The following BAALC variants were observed in gnomAD, a reference collection of about 807,000 sequenced individuals.
The protein encoded by BAALC is BAALC binder of MAP3K1 and KLF4.
In BAALC, 9 loss-of-function variants were observed where a neutral mutation model predicts 15.5. The ratio of observed to expected loss-of-function variants is 0.58; its 90% CI spans 0.35 to 1.02. BAALC has a LOEUF of 1.02. Among genes scored for constraint, BAALC ranks in the 50% least tolerant of loss-of-function variants. The probability of loss-of-function intolerance (pLI) is 0.02; values close to 1 mark genes in which losing one functional copy is unlikely to be tolerated. For missense variants in BAALC, 201 were observed against 192.4 expected (o/e 1.04, Z -0.27); for synonymous variants, 80 against 74.6 (o/e 1.07, Z -0.37).
At chr8:103,183,722 C>T (rs1392548735) in intron 1 of BAALC, among the ~76,000 whole-genome samples, 2 of 152,130 alleles carry the variant, frequency 1.3e-5, no homozygotes, top group Non-Finnish European at 2.9e-5. Flanking sequence ...TGCTCATGAA[C>T]CTAGGCATAT....
intron 2 of BAALC, chr8:103,213,457 G>T (rs1404724443): frequency 6.0e-6 from 1 of 166,732 alleles, no homozygotes; most frequent in East Asian, 1.7e-4. Context: ...GAAGGAAAGA[G>T]AAGACCAGAG....
chr8:103,224,967 C>T (rs1427490159), intron 2 of BAALC, among the ~76,000 whole-genome samples: 1 of 152,154 alleles, frequency 6.6e-6, no homozygotes, highest in Non-Finnish European at 1.5e-5. Flanking sequence ...GCTTAGTCCT[C>T]ACTACTCTTA....
At chr8:103,160,325 G>A (rs1811195718) in intron 1 of BAALC, among the ~76,000 whole-genome samples, 1 of 152,146 alleles carries the variant, frequency 6.6e-6, no homozygotes, top group African/African-American at 2.4e-5. Flanking sequence ...CTTTGGGTAT[G>A]CCCTATGTAA....
At chr8:103,208,167 A>G (rs1431308119) in intron 1 of BAALC, 2 of 152,270 alleles carry the variant, frequency 1.3e-5, no homozygotes, top group African/African-American at 4.8e-5. Context: ...AGAGGCGGGG[A>G]TAGGCTGTGC....
chr8:103,194,050 CA>C (rs1459524933), intron 1 of BAALC, among the ~76,000 whole-genome samples: 1 of 152,160 alleles, frequency 6.6e-6, no homozygotes, highest in Non-Finnish European at 1.5e-5. Context: ...TATCAAAAAG[CA>C]AGTCGTTTTC....
At chr8:103,189,156 C>T (rs1417144142) in intron 1 of BAALC, among the ~76,000 whole-genome samples, 1 of 152,194 alleles carries the variant, frequency 6.6e-6, no homozygotes, top group Non-Finnish European at 1.5e-5. Context: ...TACAAATTCT[C>T]ATGAAGAAAA....
At chr8:103,144,814 C>T (rs1322500118) in intron 1 of BAALC, among the ~76,000 whole-genome samples, 4 of 152,170 alleles carry the variant, frequency 2.6e-5, no homozygotes, top group Non-Finnish European at 5.9e-5. Flanking sequence ...GAAAGATAGT[C>T]AAATAAAATG....
chr8:103,158,685 AATACATAC>A (rs76527054), intron 1 of BAALC, among the ~76,000 whole-genome samples: 63 of 150,784 alleles, frequency 4.2e-4, no homozygotes, highest in African/African-American at 9.7e-4. Context: ...CAATACATAC[AATACATAC>A]ATACATACAT....
chr8:103,209,731 G>C (rs773986320), intron 1 of BAALC, among the ~76,000 whole-genome samples: 1 of 152,210 alleles, frequency 6.6e-6, no homozygotes. Context: ...CACCCCATGA[G>C]TTTAAAAGCA....
Position 103,212,948 on chromosome 8 carries a change from G to A in BAALC, c.190G>A (p.Gly64Ser). 1 of 1,613,964 alleles carries A rather than the reference G, an allele frequency of 6.2e-7. No individual in the cohort carries two copies. Among genetic ancestry groups the A allele is most frequent in the Non-Finnish European group, 8.5e-7 (1 of 1,179,910 alleles). Residue 64 changes from glycine (G) to serine (S), a missense_variant, in exon 2 of 3, where the codon GGT becomes AGT. Transcript: ENST00000309982. ...GCTGGAAGATGGACTGCCCTCCAATGGTGTGCCCCGATCTACAGCCCCAGG... is the reference window on the plus strand; with the variant it reads ...GCTGGAAGATGGACTGCCCTCCAATAGTGTGCCCCGATCTACAGCCCCAGG... ...GMLEDGLPSN[G>S]VPRSTAPGGI...
intron 1 of BAALC, among the ~76,000 whole-genome samples, chr8:103,171,283 A>AAGAG (rs3041493): frequency 0.23 from 32,924 of 144,562 alleles, 4,428 homozygotes; most frequent in Non-Finnish European, 0.31. Context: ...AAAAGAAAGA[A>AAGAG]AGAGAGAAGG....
intron 1 of BAALC, among the ~76,000 whole-genome samples, chr8:103,148,308 G>A (rs1248021400): frequency 6.6e-6 from 1 of 152,196 alleles, no homozygotes; most frequent in Non-Finnish European, 1.5e-5. Context: ...AAAACCACTG[G>A]AAGCTCAGAG....
rs574398140 is a variant in BAALC, at chr8:103,191,115, C to T, written c.161-21804C>T. 2.7e-3 allele frequency: 407 copies of T among 152,694 alleles called. 1 individual carries two copies. Among genetic ancestry groups the T allele is most frequent in the Non-Finnish European group, 4.3e-3 (292 of 68,420 alleles). The allele number at this position is 152,694 out of a possible 1,614,324, so 9.5% of individuals were successfully genotyped here. The stretch of plus-strand genomic sequence containing the variant: ...CTGGGAGGCTGAGGCAGAAGAATCG[C>T]TTGAACCCGGGAGGCAGAGGTTGCA... On this transcript the variant is annotated intron_variant, in intron 1 of 2. Transcript: ENST00000309982.
intron 1 of BAALC, among the ~76,000 whole-genome samples, chr8:103,194,615 G>A (rs1812048694): frequency 6.6e-6 from 1 of 152,172 alleles, no homozygotes; most frequent in Non-Finnish European, 1.5e-5. Flanking sequence ...CATTCATGTT[G>A]TTATAACAAA....
At chr8:103,213,181 C>A (rs899173922) in intron 2 of BAALC, 96 bp downstream of exon 2, 2 of 1,312,790 alleles carry the variant, frequency 1.5e-6, no homozygotes, top group Non-Finnish European at 2.1e-6. Flanking sequence ...CAGGGAGGGA[C>A]CAGGGATGGC....
Position 103,211,686 on chromosome 8 carries a change from C to A in BAALC, c.161-1233C>A, listed in dbSNP as rs141354136. Reference sequence around the variant, plus strand: ...TGTCATCTGCATCTATTTGAGAGAGCCACTTGGAGAGCAGGGATGGGAACT... The same window carrying A: ...TGTCATCTGCATCTATTTGAGAGAGACACTTGGAGAGCAGGGATGGGAACT... On this transcript the variant is annotated intron_variant, in intron 1 of 2. Coordinates refer to ENST00000309982, the MANE Select transcript of BAALC (RefSeq NM_024812.3). 3.6e-4 allele frequency among the ~76,000 whole-genome samples: 55 copies of A among 152,260 alleles called. 1 individual carries two copies. The East Asian group carries it at 0.01, about 28-fold the overall frequency.
At chr8:103,192,527 T>G (rs1381638831) in intron 1 of BAALC, among the ~76,000 whole-genome samples, 1 of 151,554 alleles carries the variant, frequency 6.6e-6, no homozygotes, top group African/African-American at 2.4e-5. Context: ...CCCCTTTCTT[T>G]CTAAATAGTC....
chr8:103,175,770 T>C (rs1395856693), intron 1 of BAALC, among the ~76,000 whole-genome samples: 1 of 152,202 alleles, frequency 6.6e-6, no homozygotes, highest in Non-Finnish European at 1.5e-5. Context: ...AGACAAGGGC[T>C]GGGTGGAGAA....
chr8:103,217,083 C>A (rs973480934), intron 2 of BAALC, among the ~76,000 whole-genome samples: 24 of 152,324 alleles, frequency 1.6e-4, no homozygotes, highest in Admixed American at 6.5e-4. Flanking sequence ...CTGCCCAACG[C>A]AGCACCCCTG....
Sources: gnomAD v4.1 joint callset for allele counts (sites outside exome capture counted in the v4.1 genomes callset) on GRCh38, gnomAD v4.1.1 for gene constraint, MANE v1.5 for transcripts, NCBI Gene and HGNC (gene_info 2026-07-23, HGNC 2026-07-21) for gene names.